FRAS1: variants seen among roughly 807,000 people sequenced by gnomAD.
FRAS1 encodes the protein extracellular matrix organizing protein FRAS1.
In FRAS1, 290 loss-of-function variants were observed where a neutral mutation model predicts 435.2. That is an observed-to-expected ratio of 0.67 (90% CI 0.61 to 0.73). The LOEUF (loss-of-function observed/expected upper bound fraction) is 0.73. Ranked by LOEUF, FRAS1 falls within the 30% of genes least tolerant of loss-of-function variation. The probability of loss-of-function intolerance (pLI) is 0.00; values close to 1 mark genes in which losing one functional copy is unlikely to be tolerated. For synonymous variants in FRAS1, 1,800 were observed against 1,851.0 expected (o/e 0.97, Z 0.71); for missense variants, 4,860 against 5,001.5 (o/e 0.97, Z 0.85).
At position 78,086,089 on chromosome 4, in the gene FRAS1, T is replaced by G. The variant is rs542603377; in HGVS notation, c.108+20073T>G. 5.9e-5 allele frequency among the ~76,000 whole-genome samples: 9 copies of G among 152,210 alleles called. No homozygotes were observed. The South Asian group carries it at 1.4e-3, about 25-fold the overall frequency. ...TAACAAACTGTCTCTCAGACCACAG[T>G]GCAATCAAACTAGAACTCAGGATTA... On this transcript the variant is annotated intron_variant, in intron 2 of 73. Coordinates refer to ENST00000512123, the MANE Select transcript of FRAS1 (RefSeq NM_025074.7).
chr4:78,192,392 C>A (rs1022752893), intron 2 of FRAS1, among the ~76,000 whole-genome samples: 1 of 152,170 alleles, frequency 6.6e-6, no homozygotes, highest in Non-Finnish European at 1.5e-5. Flanking sequence ...TAGAATTCGG[C>A]TGTGAATCCT....
At chr4:78,468,485 A>ACATCATCATCAT (rs11267487) in intron 50 of FRAS1, among the ~76,000 whole-genome samples, 2,826 of 150,190 alleles carry the variant, frequency 0.019, 38 homozygotes, top group Admixed American at 0.056. Flanking sequence ...GAAGCTGTAA[A>ACATCATCATCAT]CATCATCATC....
intron 2 of FRAS1, chr4:78,071,264 A>C (rs186217592): frequency 6.6e-6 from 1 of 152,334 alleles, no homozygotes; most frequent in African/African-American, 2.4e-5. Context: ...TTATACAGCC[A>C]GGTGTCACTT....
At chr4:78,319,147 A>G (rs1293459087) in intron 18 of FRAS1, among the ~76,000 whole-genome samples, 161 bp downstream of exon 18, 1 of 152,170 alleles carries the variant, frequency 6.6e-6, no homozygotes, top group Admixed American at 6.5e-5. Context: ...AGTAGCCCCC[A>G]CCAATAGCCT....
At chr4:78,490,412 C>T (rs1019613564) in intron 59 of FRAS1, among the ~76,000 whole-genome samples, 2 of 152,142 alleles carry the variant, frequency 1.3e-5, no homozygotes, top group African/African-American at 4.8e-5. Context: ...GGAAGTAAAG[C>T]ACTCCTCAGC....
intron 15 of FRAS1, among the ~76,000 whole-genome samples, chr4:78,312,855 AAGAAAG>A (rs779949467): frequency 0.02 from 1,532 of 75,242 alleles, 21 homozygotes; most frequent in African/African-American, 0.12. Context: ...GAAAGAAAGA[AAGAAAG>A]AGAGAGAGAG....
rs747714607 is a variant in FRAS1 at position 78,479,439 on chromosome 4, C to T, written c.8164C>T (p.Leu2722Phe). 4.4e-6 allele frequency: 7 copies of T among 1,593,808 alleles called. No homozygotes were observed. The highest frequency in any genetic ancestry group is 6.0e-6 in the Non-Finnish European group (7 of 1,167,648). Reference protein sequence around the residue: ...TVPKSAMGSSLYALESGSDFK... With the variant: ...TVPKSAMGSSFYALESGSDFK... ...CCCTAAGTCAGCTATGGGAAGTAGCCTCTATGCTCTAGAATCAGGCTCTGA... is the reference window on the plus strand; with the variant it reads ...CCCTAAGTCAGCTATGGGAAGTAGCTTCTATGCTCTAGAATCAGGCTCTGA... The change falls in exon 56 of 74, where the codon CTC becomes TTC. Residue 2722 changes from leucine to phenylalanine, a missense_variant. Physicochemically the swap from Leu to Phe is conservative, Grantham distance 22. Coordinates refer to ENST00000512123, the MANE Select transcript of FRAS1 (RefSeq NM_025074.7).
At position 78,337,546 on chromosome 4, in the gene FRAS1, C is replaced by T. The variant is rs1437129147; in HGVS notation, c.2279-128C>T. On this transcript the variant is annotated intron_variant, in intron 19 of 73. Coordinates refer to ENST00000512123, the MANE Select transcript of FRAS1 (RefSeq NM_025074.7). ...GGTCCAAGGGTGTGCCCGGCTTGCT[C>T]AGGAATCTTCTAAAGATGATTAGAG... The T allele has an allele frequency of 2.6e-5, 30 of 1,143,890 alleles. No individual in the cohort carries two copies. In the East Asian group the frequency reaches 6.2e-4, roughly 24 times the overall value. The allele number at this position is 1,143,890 out of a possible 1,614,324, so 70.9% of individuals were successfully genotyped here. A position where few individuals can be genotyped will look rare whatever the true frequency, so the allele number is the denominator to read the frequency against.
intron 2 of FRAS1, among the ~76,000 whole-genome samples, chr4:78,129,718 C>A (rs572566404): frequency 6.6e-6 from 1 of 152,158 alleles, no homozygotes; most frequent in East Asian, 1.9e-4. Context: ...CCAATATGAT[C>A]CTTCTAAAAT....
chr4:78,249,323 C>T (rs1435014720), intron 4 of FRAS1, among the ~76,000 whole-genome samples: 6 of 47,182 alleles, frequency 1.3e-4, no homozygotes, highest in East Asian at 7.4e-4. Context: ...GCAGTGGAGC[C>T]TTTTTTTTTT....
chr4:78,246,525 G>A (rs1283420122), intron 4 of FRAS1, among the ~76,000 whole-genome samples: 2 of 152,326 alleles, frequency 1.3e-5, no homozygotes, highest in East Asian at 3.9e-4. Context: ...TGTGCTGCTC[G>A]ATTCAGCCTG....
In FRAS1 at chr4:78,430,331, A is replaced by G; in HGVS notation, c.4883A>G (p.Lys1628Arg). 6.2e-7 allele frequency: 1 copy of G among 1,613,774 alleles called. No individual in the cohort carries two copies. The highest frequency in any genetic ancestry group is 8.5e-7 in the Non-Finnish European group (1 of 1,179,838). Reference protein sequence around the residue: ...VVVRDAETAPKELFFELRRPP... With the variant: ...VVVRDAETAPRELFFELRRPP... Reference sequence around the variant, plus strand: ...GTAAGAGATGCTGAGACAGCGCCCAAAGAACTCTTCTTTGAGCTTCGGAGA... The same window carrying G: ...GTAAGAGATGCTGAGACAGCGCCCAGAGAACTCTTCTTTGAGCTTCGGAGA... The change falls in exon 37 of 74, where the codon AAA (lysine) becomes AGA (arginine). Residue 1628 changes from lysine to arginine, a missense_variant. Lys to Arg is a conservative substitution (Grantham distance 26, BLOSUM62 2). Transcript: ENST00000512123.
At chr4:78,116,196 A>T (rs528121910) in intron 2 of FRAS1, among the ~76,000 whole-genome samples, 11 of 152,302 alleles carry the variant, frequency 7.2e-5, no homozygotes, top group African/African-American at 2.6e-4. Flanking sequence ...TCTGAGAGAC[A>T]GTTTGTTATA....
chr4:78,181,879 C>A, intron 2 of FRAS1: 1 of 1,611,788 alleles, frequency 6.2e-7, no homozygotes. Flanking sequence ...GGGCCGCCGC[C>A]TGAGCTGCGC....
At chr4:78,506,339 T>A (rs1376807598) in intron 61 of FRAS1, among the ~76,000 whole-genome samples, 1 of 152,224 alleles carries the variant, frequency 6.6e-6, no homozygotes, top group Non-Finnish European at 1.5e-5. Flanking sequence ...TTTGTTCAGC[T>A]ATGCCCTGCC....
In FRAS1 at chr4:78,286,569, A is replaced by G. The variant is rs376855448; in HGVS notation, c.1534+30A>G. ...TCTCTGGCTGGGCCACAGTTGGGCCAGCTACCAAGACAGCTCCCCAACCCT... is the reference window on the plus strand; with the variant it reads ...TCTCTGGCTGGGCCACAGTTGGGCCGGCTACCAAGACAGCTCCCCAACCCT... On this transcript the variant is annotated intron_variant, in intron 14 of 73. Transcript: ENST00000512123. 288 of 1,606,040 alleles carry G rather than the reference A, an allele frequency of 1.8e-4. No homozygotes were observed. The Middle Eastern group carries it at 2.6e-3, about 14-fold the overall frequency.
intron 18 of FRAS1, among the ~76,000 whole-genome samples, chr4:78,330,964 G>A (rs2110255653): frequency 6.6e-6 from 1 of 152,248 alleles, no homozygotes; most frequent in African/African-American, 2.4e-5. Flanking sequence ...TTTACGGTTT[G>A]TGGGGCATCA....
At position 78,481,946 on chromosome 4, in the gene FRAS1, G is replaced by A; in HGVS notation, c.8586G>A (p.Gly2862=). ...CCAGCTCTCGGAAGGTGGAATTTGG[G>A]CCTGGTGTCATTGAACAGGTGCGTT... ...YVPSSRKVEF[G]PGVIEQYCTL... is the part of the protein sequence containing the mutation. Residue 2862 remains glycine (G), a synonymous_variant, in exon 57 of 74, where the codon GGG becomes GGA. Coordinates refer to ENST00000512123, the MANE Select transcript of FRAS1 (RefSeq NM_025074.7). 1 of 1,613,784 alleles carries A rather than the reference G, an allele frequency of 6.2e-7. No homozygotes were observed. Among genetic ancestry groups the A allele is most frequent in the Non-Finnish European group, 8.5e-7 (1 of 1,179,810 alleles).
intron 31 of FRAS1, among the ~76,000 whole-genome samples, chr4:78,412,467 GATTT>G (rs1274000033): frequency 6.6e-6 from 1 of 152,148 alleles, no homozygotes. Context: ...ATGAGGCTGA[GATTT>G]ATTACTTACC....
Sources: gnomAD v4.1 joint callset for allele counts (sites outside exome capture counted in the v4.1 genomes callset) on GRCh38, gnomAD v4.1.1 for gene constraint, MANE v1.5 for transcripts, NCBI Gene and HGNC (gene_info 2026-07-23, HGNC 2026-07-21) for gene names.